Variants in TET1 observed in about 807,000 individuals in gnomAD.
TET1 encodes methylcytosine dioxygenase TET1.
A neutral mutation model predicts 148.7 loss-of-function variants in TET1; 13 were observed. The ratio of observed to expected loss-of-function variants is 0.09; its 90% CI spans 0.06 to 0.14. The LOEUF (loss-of-function observed/expected upper bound fraction) is 0.14, where lower values mean the gene tolerates loss of function less well. Ranked by LOEUF, TET1 falls within the 10% of genes least tolerant of loss-of-function variation. The pLI is 1.00. For synonymous variants in TET1, 907 were observed against 937.2 expected, an observed-to-expected ratio of 0.97 and a Z score of 0.59; for missense variants, 2,182 against 2,553.8, an observed-to-expected ratio of 0.85 and a Z score of 3.14.
chr10:68,584,317 C>T (rs1463998997), intron 2 of TET1, among the ~76,000 whole-genome samples: 2 of 151,420 alleles, frequency 1.3e-5, no homozygotes, highest in African/African-American at 4.9e-5. Context: ...GCTGGGATTA[C>T]AGGAGTGAGC....
intron 2 of TET1, among the ~76,000 whole-genome samples, chr10:68,582,932 T>C (rs1025113906): frequency 1.3e-5 from 2 of 152,176 alleles, no homozygotes; most frequent in Admixed American, 1.3e-4. Flanking sequence ...TAGTAGATAT[T>C]CGTGTATAAC....
chr10:68,667,994 A>G (rs2055216891), intron 7 of TET1, among the ~76,000 whole-genome samples: 1 of 152,204 alleles, frequency 6.6e-6, no homozygotes. Context: ...ATTAAGAGAA[A>G]TGACATCAGT....
chr10:68,627,982 TTTA>T (rs1443129187), intron 3 of TET1, among the ~76,000 whole-genome samples: 1 of 151,734 alleles, frequency 6.6e-6, no homozygotes, highest in African/African-American at 2.4e-5. Context: ...CCCCCAAATA[TTTA>T]TTATTATTAT....
chr10:68,670,546 A>G (rs2055259290), intron 7 of TET1, among the ~76,000 whole-genome samples: 1 of 152,354 alleles, frequency 6.6e-6, no homozygotes, highest in African/African-American at 2.4e-5. Flanking sequence ...ATTTAAAATA[A>G]TCTGAGGATG....
At position 68,645,329 on chromosome 10, in the gene TET1, C is replaced by A. The variant is rs2054825869; in HGVS notation, c.2600C>A (p.Pro867Gln). The change falls in exon 4 of 12, where the codon CCA becomes CAA. Residue 867 changes from proline (P) to glutamine (Q), a missense_variant. Transcript: ENST00000373644. ...KTPENIPSKE[P>Q]KDGSPVQPSL... ...CCTGAGAATATACCAAGTAAAGAAC[C>A]AAAAGATGGATCTCCCGTTCAACCA... is the stretch of plus-strand genomic sequence containing the variant. 1 of 1,613,882 alleles carries A rather than the reference C, an allele frequency of 6.2e-7. No homozygotes were observed.
intron 3 of TET1, among the ~76,000 whole-genome samples, chr10:68,641,739 G>A (rs1037619997): frequency 4.6e-5 from 7 of 152,076 alleles, no homozygotes; most frequent in African/African-American, 1.4e-4. Context: ...CTGACCTCGT[G>A]ATCCGCTCAC....
chr10:68,673,014 G>T lies in TET1; in HGVS notation c.4793G>T (p.Arg1598Ile), dbSNP rs2055295982. ...TTTGGTAGAAGCCCAAGCCCCAGAAGATTTAGAATTGATCCAAGCTCTCCC... is the reference window on the plus strand; with the variant it reads ...TTTGGTAGAAGCCCAAGCCCCAGAATATTTAGAATTGATCCAAGCTCTCCC... ...CKFGRSPSPR[R>I]FRIDPSSPLH... Residue 1598 changes from arginine (R) to isoleucine (I), a missense_variant, in exon 8 of 12, where the codon AGA (arginine) becomes ATA (isoleucine). Transcript: ENST00000373644. 6.2e-7 allele frequency: 1 copy of T among 1,611,254 alleles called. No homozygotes were observed. The highest frequency in any genetic ancestry group is 8.5e-7 in the Non-Finnish European group (1 of 1,178,154).
intron 3 of TET1, among the ~76,000 whole-genome samples, chr10:68,624,662 C>T (rs75732315): frequency 0.14 from 10,949 of 79,634 alleles, 721 homozygotes; most frequent in Non-Finnish European, 0.16. Flanking sequence ...CTTTCTTTCT[C>T]TCTCTCTCTC....
rs975113798 is a variant in TET1, at chr10:68,691,974, C to T, written c.*160C>T. Reference sequence around the variant, plus strand: ...AACAAAACGGGGTGGGTATTCTTAACTGTGACTATATTTTGACAATTGGTA... The same window carrying T: ...AACAAAACGGGGTGGGTATTCTTAATTGTGACTATATTTTGACAATTGGTA... On this transcript the variant is annotated 3_prime_UTR_variant, in exon 12 of 12. Transcript: ENST00000373644. This position sits in a 1 kb window ranked among gnomAD's most constrained non-coding sequence, Gnocchi z 4.4. The T allele has an allele frequency of 6.1e-6, 5 of 821,046 alleles. No individual in the cohort carries two copies. The highest frequency in any genetic ancestry group is 2.9e-5 in the Admixed American group (1 of 34,040). 50.9% of individuals were successfully genotyped at this position (821,046 alleles called of 1,614,324 possible). A position where few individuals can be genotyped will look rare whatever the true frequency, so the allele number is the denominator to read the frequency against.
chr10:68,610,660 T>A (rs2054195216), intron 3 of TET1, among the ~76,000 whole-genome samples: 1 of 152,102 alleles, frequency 6.6e-6, no homozygotes, highest in Admixed American at 6.6e-5. Flanking sequence ...TGTGGTTTTT[T>A]TGTTTTTACT....
At chr10:68,639,150 CTT>C (rs552031134) in intron 3 of TET1, among the ~76,000 whole-genome samples, 2 of 148,546 alleles carry the variant, frequency 1.3e-5, no homozygotes, top group East Asian at 2.0e-4. Flanking sequence ...TTCTTTCTTT[CTT>C]TTTTTTTTCT....
At chr10:68,627,223 C>A (rs555934037) in intron 3 of TET1, among the ~76,000 whole-genome samples, 25 of 152,182 alleles carry the variant, frequency 1.6e-4, no homozygotes, top group African/African-American at 5.8e-4. Context: ...GCCTGGCCAA[C>A]ACGGTAAAAC....
At position 68,630,942 on chromosome 10, in the gene TET1, TGAGGCAGGAGGATCCCTA is replaced by T. The variant is rs565976312; in HGVS notation, c.1969-13752_1969-13735del. 4.0e-3 allele frequency among the ~76,000 whole-genome samples: 606 copies of T among 152,286 alleles called. 8 individuals carry two copies. The highest frequency in any genetic ancestry group is 0.014 in the African/African-American group (576 of 41,562). ...CTTTTATCCCAATACTTTGGGAGGC[TGAGGCAGGAGGATCCCTA>T]GAGCCCAGGAGTTTGAGACCAGCGT... On this transcript the variant is annotated intron_variant, in intron 3 of 11. Coordinates refer to ENST00000373644, the MANE Select transcript of TET1 (RefSeq NM_030625.3).
chr10:68,615,204 T>C (rs2054271736), intron 3 of TET1, among the ~76,000 whole-genome samples: 1 of 151,908 alleles, frequency 6.6e-6, no homozygotes, highest in Non-Finnish European at 1.5e-5. Flanking sequence ...GGGCTGAGAT[T>C]ACAGGCTTGA....
At chr10:68,664,761 C>T (rs545360863) in intron 6 of TET1, among the ~76,000 whole-genome samples, 19 of 141,226 alleles carry the variant, frequency 1.3e-4, no homozygotes, top group African/African-American at 5.0e-4. Context: ...GATCCTCCTG[C>T]TTGCCTTCTT....
At chr10:68,638,489 A>G (rs779436597) in intron 3 of TET1, among the ~76,000 whole-genome samples, 7 of 152,254 alleles carry the variant, frequency 4.6e-5, no homozygotes, top group Middle Eastern at 3.4e-3. Context: ...GGGTCACAGT[A>G]CCCAAATGGT....
At chr10:68,659,717 G>A (rs2055078430) in intron 6 of TET1, among the ~76,000 whole-genome samples, 1 of 152,264 alleles carries the variant, frequency 6.6e-6, no homozygotes, top group Middle Eastern at 3.4e-3. Flanking sequence ...CTTGCTTATA[G>A]AGTTCATTTT....
At chr10:68,611,225 A>G (rs889837206) in intron 3 of TET1, among the ~76,000 whole-genome samples, 1 of 151,976 alleles carries the variant, frequency 6.6e-6, no homozygotes, top group Non-Finnish European at 1.5e-5. Context: ...CAGGAGGCGG[A>G]GGTTGCAGTG....
rs2055170960 is a variant in TET1 at position 68,664,670 on chromosome 10, A to AAT, written c.4462-2375_4462-2374insAT. On this transcript the variant is annotated intron_variant, in intron 6 of 11. Transcript: ENST00000373644. ...GTGCTGGGAGGTGCGCCCAGCCTGC[A>AAT]TTTTTTTTTTTTTTTTTTTTTTTAC... 4.0e-5 allele frequency among the ~76,000 whole-genome samples: 4 copies of AAT among 99,546 alleles called. No homozygotes were observed. In the South Asian group the frequency reaches 1.4e-3, roughly 35 times the overall value. The allele number at this position is 99,546 out of a possible 152,430, so 65.3% of individuals were successfully genotyped here. A position where few individuals can be genotyped will look rare whatever the true frequency, so the allele number is the denominator to read the frequency against.
Sources: gnomAD v4.1 joint callset for allele counts (sites outside exome capture counted in the v4.1 genomes callset) on GRCh38, gnomAD v4.1.1 for gene constraint, Gnocchi (gnomAD v3.1) non-coding constraint, MANE v1.5 for transcripts, NCBI Gene and HGNC (gene_info 2026-07-23, HGNC 2026-07-21) for gene names.